INSL6: variants seen among roughly 807,000 people sequenced by gnomAD.
The protein encoded by INSL6 is insulin-like peptide INSL6.
INSL6 carries 16 observed loss-of-function variants against 9.4 expected under a neutral mutation model. The observed-to-expected ratio is 1.70, with a 90% CI of 1.15 to 2.59. The LOEUF is 2.59. Ranked by LOEUF, INSL6 falls within the 30% of genes most tolerant of loss-of-function variation. The pLI is 0.00. For synonymous variants in INSL6, 154 were observed against 96.9 expected, an observed-to-expected ratio of 1.59 and a Z score of -3.46; for missense variants, 391 against 257.3, an observed-to-expected ratio of 1.52 and a Z score of -3.56.
chr9:5,046,852 T>A, the INSL6 span, among the ~76,000 whole-genome samples: 1 of 152,210 alleles, frequency 6.6e-6, no homozygotes, highest in Non-Finnish European at 1.5e-5. Context: ...TTATTTCACC[T>A]GTGCTGCAGA....
the INSL6 span, among the ~76,000 whole-genome samples, chr9:5,038,794 A>G: frequency 6.6e-6 from 1 of 152,146 alleles, no homozygotes. Context: ...TGTTTATAAA[A>G]AGATGAAATA....
the INSL6 span, among the ~76,000 whole-genome samples, chr9:5,103,909 T>C: frequency 6.6e-6 from 1 of 152,056 alleles, no homozygotes; most frequent in African/African-American, 2.4e-5. Context: ...CTGGGACATA[T>C]TTAAGGCAGT....
chr9:5,162,828 T>C (rs12353218), downstream of INSL6, among the ~76,000 whole-genome samples: 63,278 of 152,058 alleles, frequency 0.42, 15,921 homozygotes, highest in African/African-American at 0.72. Context: ...CATTATAGTA[T>C]ACATTTCAGA....
the INSL6 span, chr9:5,072,447 T>A: frequency 7.0e-7 from 1 of 1,430,808 alleles, no homozygotes. Flanking sequence ...CCTACTTCGT[T>A]CTCCATCTTT....
the INSL6 span, among the ~76,000 whole-genome samples, chr9:5,071,304 T>C: frequency 6.6e-6 from 1 of 152,040 alleles, no homozygotes; most frequent in African/African-American, 2.4e-5. Context: ...AAGGAAATAA[T>C]GCAGGATTAA....
chr9:5,030,558 T>C, the INSL6 span, among the ~76,000 whole-genome samples: 1 of 152,146 alleles, frequency 6.6e-6, no homozygotes, highest in African/African-American at 2.4e-5. Context: ...TTTGGAGCAC[T>C]GAGAAGTAAT....
chr9:5,087,490 T>C, the INSL6 span, among the ~76,000 whole-genome samples: 1 of 58,912 alleles, frequency 1.7e-5, no homozygotes, highest in Non-Finnish European at 2.9e-5. Flanking sequence ...TTACTTGATT[T>C]CTTTCCTGGT....
the INSL6 span, among the ~76,000 whole-genome samples, chr9:5,067,925 G>T: frequency 6.6e-6 from 1 of 152,086 alleles, no homozygotes; most frequent in Non-Finnish European, 1.5e-5. Context: ...AGGCCAAGGC[G>T]GGTGGATCAC....
At chr9:5,027,674 C>G in the INSL6 span, among the ~76,000 whole-genome samples, 1 of 152,182 alleles carries the variant, frequency 6.6e-6, no homozygotes, top group Admixed American at 6.5e-5. Context: ...TCACTCAAAC[C>G]CTGCCACTGC....
At chr9:5,085,879 T>C in the INSL6 span, 1 of 797,452 alleles carries the variant, frequency 1.3e-6, no homozygotes, top group Non-Finnish European at 2.3e-6. Context: ...AGTTCTGTTG[T>C]TGATATGAGC....
the INSL6 span, among the ~76,000 whole-genome samples, chr9:5,058,226 C>T: frequency 7.2e-5 from 11 of 152,164 alleles, no homozygotes; most frequent in Non-Finnish European, 2.9e-5. Context: ...CGTTCTCACA[C>T]TGCTATAAAG....
the INSL6 span, among the ~76,000 whole-genome samples, chr9:5,086,541 GT>G: frequency 4.6e-5 from 7 of 151,906 alleles, no homozygotes; most frequent in Non-Finnish European, 1.0e-4. Flanking sequence ...AGTACTCATT[GT>G]TTTCTCATCA....
chr9:5,015,871 C>T, the INSL6 span, among the ~76,000 whole-genome samples: 2 of 151,704 alleles, frequency 1.3e-5, no homozygotes, highest in Non-Finnish European at 2.9e-5. Flanking sequence ...GTTCTAAACA[C>T]GATTGTGTCA....
intron 3 of INSL6, among the ~76,000 whole-genome samples, chr9:5,129,688 A>G (rs1459803150): frequency 6.6e-6 from 1 of 152,122 alleles, no homozygotes; most frequent in African/African-American, 2.4e-5. Flanking sequence ...CTCAGATTTT[A>G]GTTGGTTGGA....
the INSL6 span, among the ~76,000 whole-genome samples, chr9:5,044,160 G>C: frequency 1.3e-5 from 2 of 151,846 alleles, no homozygotes; most frequent in African/African-American, 4.8e-5. Flanking sequence ...TCCTACTATT[G>C]CTTCTACATT....
At chr9:5,082,829 T>G in the INSL6 span, among the ~76,000 whole-genome samples, 1 of 152,246 alleles carries the variant, frequency 6.6e-6, no homozygotes, top group East Asian at 1.9e-4. Flanking sequence ...CCTTAAACCT[T>G]GATTCCATAC....
At chr9:5,054,699 A>C in the INSL6 span, 1 of 1,613,450 alleles carries the variant, frequency 6.2e-7, no homozygotes, top group Non-Finnish European at 8.5e-7. The surrounding 1 kb of genome is among the most constrained non-coding windows in gnomAD (Gnocchi z 4.9). Flanking sequence ...CAGAAACTTG[A>C]AACTTAAGTA....
the INSL6 span, among the ~76,000 whole-genome samples, chr9:5,088,774 G>T: frequency 6.6e-6 from 1 of 152,216 alleles, no homozygotes; most frequent in African/African-American, 2.4e-5. Flanking sequence ...TCACATGGGA[G>T]AGAGAGATTG....
At chr9:5,172,184 G>A (rs925779625) in intron 1 of INSL6, among the ~76,000 whole-genome samples, 6 of 152,102 alleles carry the variant, frequency 3.9e-5, no homozygotes, top group South Asian at 2.1e-4. Flanking sequence ...AAATAAGACC[G>A]CACATCTATG....
Sources: allele counts gnomAD v4.1 joint callset (sites outside exome capture counted in the v4.1 genomes callset), GRCh38; gene constraint gnomAD v4.1.1; non-coding constraint Gnocchi (gnomAD v3.1); transcripts MANE v1.5; gene names NCBI Gene and HGNC (gene_info 2026-07-23, HGNC 2026-07-21).